NTRK3: variants seen among roughly 807,000 people sequenced by gnomAD.
The protein encoded by NTRK3 is neurotrophic receptor tyrosine kinase 3.
Under a neutral mutation model 91.7 loss-of-function variants are expected in NTRK3, and 24 were observed. The ratio of observed to expected loss-of-function variants is 0.26; its 90% CI spans 0.19 to 0.37. The LOEUF is 0.37. Among genes scored for constraint, NTRK3 ranks in the 10% least tolerant of loss-of-function variants. The pLI is 1.00. For missense variants in NTRK3, 880 were observed against 1,068.9 expected, an observed-to-expected ratio of 0.82 and a Z score of 2.46; for synonymous variants, 483 against 404.0, an observed-to-expected ratio of 1.20 and a Z score of -2.34.
In NTRK3 at chr15:87,942,548, C is replaced by T. The variant is rs149976675; in HGVS notation, c.1586-1795G>A. Reference sequence around the variant, plus strand: ...CACATAGGTTCTGCAAGGTGAGTGTCCTGGCACGGCCTGGGAGTGAAGACA... The same window carrying T: ...CACATAGGTTCTGCAAGGTGAGTGTTCTGGCACGGCCTGGGAGTGAAGACA... On this transcript the variant is annotated intron_variant, in intron 14 of 18. Transcript: ENST00000394480. Among the ~76,000 whole-genome samples the T allele has an allele frequency of 2.2e-4, 33 of 152,264 alleles. No homozygotes were observed. In the East Asian group the frequency reaches 6.4e-3, roughly 29 times the overall value.
chr15:88,027,642 A>C (rs1006033729), intron 14 of NTRK3, among the ~76,000 whole-genome samples: 4 of 152,126 alleles, frequency 2.6e-5, no homozygotes, highest in African/African-American at 9.7e-5. Flanking sequence ...TCGGCCTCCC[A>C]AAGTGCTGGG....
intron 3 of NTRK3, among the ~76,000 whole-genome samples, chr15:88,200,217 G>T (rs2048184258): frequency 6.6e-6 from 1 of 152,202 alleles, no homozygotes; most frequent in African/African-American, 2.4e-5. Context: ...GCCCGGACTG[G>T]CCGCCAACCT....
intron 5 of NTRK3, 33 bp downstream of exon 5, chr15:88,183,385 T>C (rs777781329): frequency 5.4e-5 from 87 of 1,609,136 alleles, no homozygotes; most frequent in Non-Finnish European, 2.0e-5. Context: ...ACCTGCCATG[T>C]GCCCCCAATC....
chr15:88,137,408 C>T lies in NTRK3; in HGVS notation c.618G>A (p.Gln206=), dbSNP rs138670689. ...GCCAGGCGGCCACTCACTCACCACA[C>T]TGACTGATGTTCATGCGGAAGAGAG... The change falls in exon 7 of 19, where the codon CAG becomes CAA. Residue 206 remains glutamine (Q), a synonymous_variant. Coordinates refer to ENST00000394480, the Ensembl canonical transcript of NTRK3. 3.1e-6 allele frequency: 5 copies of T among 1,613,594 alleles called. No individual in the cohort carries two copies. The African/African-American group carries it at 4.0e-5, about 13-fold the overall frequency.
intron 13 of NTRK3, among the ~76,000 whole-genome samples, chr15:88,086,518 T>A (rs545114889): frequency 2.8e-5 from 4 of 144,562 alleles, no homozygotes; most frequent in South Asian, 2.1e-4. Context: ...TTTTATTTTT[T>A]AAAAACATGG....
intron 2 of NTRK3, 23 bp downstream of exon 2, chr15:88,256,261 G>C (rs1182667285): frequency 4.2e-6 from 1 of 236,760 alleles, no homozygotes; most frequent in Admixed American, 6.4e-5. Context: ...AGGGAGGGGG[G>C]AAGGGGGAGG....
intron 13 of NTRK3, among the ~76,000 whole-genome samples, chr15:88,125,104 T>G (rs1410944694): frequency 1.3e-5 from 2 of 152,200 alleles, no homozygotes. Context: ...CTCAGCCTCC[T>G]GAGTAGCTGG....
chr15:88,078,755 T>C (rs2047779633), intron 13 of NTRK3, among the ~76,000 whole-genome samples: 2 of 152,136 alleles, frequency 1.3e-5, no homozygotes, highest in South Asian at 4.1e-4. Context: ...GGATGAACCA[T>C]AAGGAGTCCT....
exon 19 of NTRK3, chr15:87,870,745 A>G: frequency 4.5e-6 from 1 of 223,362 alleles, no homozygotes; most frequent in Non-Finnish European, 8.9e-6. Context: ...GTAAGATACT[A>G]AACTGAAAAG....
At chr15:88,248,949 C>A (rs1032811422) in intron 3 of NTRK3, among the ~76,000 whole-genome samples, 2 of 152,154 alleles carry the variant, frequency 1.3e-5, no homozygotes, top group African/African-American at 4.8e-5. Context: ...TTATTATTAT[C>A]CATTTCTTAT....
At chr15:87,935,692 C>T (rs2069214224) in intron 15 of NTRK3, among the ~76,000 whole-genome samples, 1 of 152,200 alleles carries the variant, frequency 6.6e-6, no homozygotes, top group Admixed American at 6.5e-5. Context: ...AGCCAAATGG[C>T]CTCTCTCCAT....
chr15:88,210,451 G>A (rs533368099), intron 3 of NTRK3, among the ~76,000 whole-genome samples: 77 of 152,332 alleles, frequency 5.1e-4, no homozygotes, highest in African/African-American at 1.8e-3. Flanking sequence ...AGAATGTCCT[G>A]TATCTCAAGC....
chr15:87,872,881 T>C (rs2064859287), exon 19 of NTRK3: 1 of 232,970 alleles, frequency 4.3e-6, no homozygotes, highest in Non-Finnish European at 8.5e-6. Flanking sequence ...TAAAAATATC[T>C]ATACAAACCT....
At chr15:88,181,908 G>C (rs1365634218) in intron 5 of NTRK3, among the ~76,000 whole-genome samples, 1 of 152,216 alleles carries the variant, frequency 6.6e-6, no homozygotes, top group East Asian at 1.9e-4. Context: ...TGAAAACGGA[G>C]ACTTCTCAGA....
chr15:87,929,425 C>A (rs753167560), exon 17 of NTRK3: 1 of 1,613,936 alleles, frequency 6.2e-7, no homozygotes, highest in Non-Finnish European at 8.5e-7. Flanking sequence ...TTGCATCTGG[C>A]CCATGGGCCC....
chr15:87,992,528 G>T (rs759252070), intron 14 of NTRK3, among the ~76,000 whole-genome samples: 5 of 152,168 alleles, frequency 3.3e-5, no homozygotes, highest in Non-Finnish European at 7.3e-5. Flanking sequence ...AATGGTTCAT[G>T]GATTTATTTT....
exon 19 of NTRK3, chr15:87,876,260 T>C (rs927996944): frequency 2.6e-5 from 6 of 232,380 alleles, no homozygotes; most frequent in African/African-American, 8.8e-5. Flanking sequence ...GGTGCCATCA[T>C]TGATTCCCAA....
intron 17 of NTRK3, among the ~76,000 whole-genome samples, chr15:87,897,896 C>T (rs886371366): frequency 2.0e-5 from 3 of 152,142 alleles, no homozygotes; most frequent in Non-Finnish European, 2.9e-5. Context: ...TAATGTATAA[C>T]TCAGCCAATG....
At chr15:87,879,511 A>T (rs565120034) in intron 18 of NTRK3, among the ~76,000 whole-genome samples, 1 of 152,154 alleles carries the variant, frequency 6.6e-6, no homozygotes, top group Non-Finnish European at 1.5e-5. Context: ...CTTACCTGTG[A>T]GACCCTGGCC....
Sources: gnomAD v4.1 joint callset for allele counts (sites outside exome capture counted in the v4.1 genomes callset) on GRCh38, gnomAD v4.1.1 for gene constraint, MANE v1.5 for transcripts, NCBI Gene and HGNC (gene_info 2026-07-23, HGNC 2026-07-21) for gene names.